The following ZFYVE9 variants were observed in gnomAD, a reference collection of about 807,000 sequenced individuals.
ZFYVE9 encodes zinc finger FYVE domain-containing protein 9.
ZFYVE9 carries 43 observed loss-of-function variants against 126.7 expected under a neutral mutation model. The ratio of observed to expected loss-of-function variants is 0.34; its 90% confidence interval spans 0.27 to 0.44. The LOEUF is 0.44. Among genes scored for constraint, ZFYVE9 ranks in the 20% least tolerant of loss-of-function variants. ZFYVE9 has a pLI of 1.00. For synonymous variants in ZFYVE9, 521 were observed against 597.4 expected (o/e 0.87, Z 1.87); for missense variants, 1,476 against 1,697.0 (o/e 0.87, Z 2.29).
chr1:52,286,853 C>T (rs1463555833), intron 10 of ZFYVE9, among the ~76,000 whole-genome samples: 1 of 152,152 alleles, frequency 6.6e-6, no homozygotes, highest in Admixed American at 6.5e-5. Flanking sequence ...CTCCATACTT[C>T]CATTGTAGCC....
At chr1:52,306,464 C>G (rs556705550) in intron 13 of ZFYVE9, among the ~76,000 whole-genome samples, 78 of 152,364 alleles carry the variant, frequency 5.1e-4, no homozygotes, top group African/African-American at 1.7e-3. Flanking sequence ...CATAAAGCTC[C>G]TCTTCACTTT....
chr1:52,224,615 G>T (rs1395562628), intron 2 of ZFYVE9, among the ~76,000 whole-genome samples: 2 of 152,164 alleles, frequency 1.3e-5, no homozygotes, highest in South Asian at 4.1e-4. Context: ...AAGACTGAAG[G>T]TCTGAGGGTG....
At chr1:52,294,751 A>G (rs1006555083) in intron 11 of ZFYVE9, among the ~76,000 whole-genome samples, 2 of 152,214 alleles carry the variant, frequency 1.3e-5, no homozygotes, top group African/African-American at 4.8e-5. Flanking sequence ...GAGGCATATG[A>G]ATCAGCTAAA....
intron 4 of ZFYVE9, among the ~76,000 whole-genome samples, chr1:52,247,644 C>A (rs1438369705): frequency 5.3e-5 from 8 of 152,022 alleles, no homozygotes. Context: ...TTACAAGCAC[C>A]CACCACCATG....
chr1:52,310,398 A>G (rs1412658887), intron 13 of ZFYVE9, among the ~76,000 whole-genome samples: 2 of 152,168 alleles, frequency 1.3e-5, no homozygotes, highest in African/African-American at 4.8e-5. Context: ...ACCTTTTTAC[A>G]GATGAGGAAA....
chr1:52,345,069 G>A (rs1646471973), intron 18 of ZFYVE9, 125 bp downstream of exon 18: 2 of 1,043,172 alleles, frequency 1.9e-6, no homozygotes, highest in Non-Finnish European at 2.8e-6. Context: ...TGGATATAGT[G>A]TTTTTGGCCC....
At chr1:52,215,254 G>A (rs1645061431) in intron 1 of ZFYVE9, among the ~76,000 whole-genome samples, 1 of 151,986 alleles carries the variant, frequency 6.6e-6, no homozygotes, top group Admixed American at 6.6e-5. Flanking sequence ...ATATGACTTA[G>A]TCCTTTATTT....
Position 52,237,697 on chromosome 1 carries a change from T to G in ZFYVE9, c.280T>G (p.Cys94Gly). ...GGATCACTGTGCTAATGGACAGGACTGTAATCTAAATCCAGAGATTGCCAC... is the reference window on the plus strand; with the variant it reads ...GGATCACTGTGCTAATGGACAGGACGGTAATCTAAATCCAGAGATTGCCAC... ...EEDHCANGQD[C>G]NLNPEIATMW... is the part of the protein sequence containing the mutation. The change falls in exon 4 of 19, where the codon TGT becomes GGT. Residue 94 changes from cysteine (C) to glycine (G), a missense_variant. Cys to Gly is a radical substitution (Grantham distance 159). This residue lies in a region of ZFYVE9 where 807 missense variants were observed against 794.6 expected (regional missense o/e 1.02). Transcript: ENST00000287727. The G allele has an allele frequency of 1.9e-6, 3 of 1,614,104 alleles. No homozygotes were observed. The highest frequency in any genetic ancestry group is 1.7e-6 in the Non-Finnish European group (2 of 1,179,972).
intron 1 of ZFYVE9, among the ~76,000 whole-genome samples, chr1:52,156,295 G>A (rs1644402689): frequency 6.6e-6 from 1 of 152,142 alleles, no homozygotes; most frequent in South Asian, 2.1e-4. Flanking sequence ...TGGCAATGTG[G>A]TCATGGCTGC....
intron 10 of ZFYVE9, among the ~76,000 whole-genome samples, chr1:52,283,571 C>T (rs545190320): frequency 9.9e-4 from 151 of 152,292 alleles, no homozygotes; most frequent in South Asian, 1.7e-3. Context: ...GCATGAATCT[C>T]ACAGACATTA....
At chr1:52,286,371 T>C (rs1191479014) in intron 10 of ZFYVE9, among the ~76,000 whole-genome samples, 1 of 152,208 alleles carries the variant, frequency 6.6e-6, no homozygotes, top group Non-Finnish European at 1.5e-5. Flanking sequence ...AAATCTAAAC[T>C]ACAGGTATTT....
chr1:52,203,566 A>T (rs12062161), intron 1 of ZFYVE9, among the ~76,000 whole-genome samples: 6,831 of 137,086 alleles, frequency 0.05, 397 homozygotes, highest in African/African-American at 0.15. Context: ...GGCATTTTTC[A>T]TGCTTGGTGT....
intron 4 of ZFYVE9, among the ~76,000 whole-genome samples, chr1:52,243,702 C>T (rs1645357172): frequency 6.6e-6 from 1 of 151,706 alleles, no homozygotes; most frequent in South Asian, 2.1e-4. Flanking sequence ...ATGTTATGAT[C>T]ATGTCTATGA....
chr1:52,325,084 C>T (rs376135656), intron 13 of ZFYVE9, among the ~76,000 whole-genome samples: 2 of 152,246 alleles, frequency 1.3e-5, no homozygotes, highest in East Asian at 1.9e-4. Context: ...TCAAGACCAT[C>T]CTGGCTAACA....
rs947845207 is a variant in ZFYVE9, at chr1:52,325,007, T to C, written c.3439-7761T>C. ...AAAAATAAAAGAATTAGGCTGGGCG[T>C]GGTGGCTCACGCCTGTAATCCCAAC... On this transcript the variant is annotated intron_variant, in intron 13 of 18. Coordinates refer to ENST00000287727, the MANE Select transcript of ZFYVE9 (RefSeq NM_004799.4). Among the ~76,000 whole-genome samples, 6 of 151,926 alleles carry C rather than the reference T, an allele frequency of 3.9e-5. No homozygotes were observed. In the East Asian group the frequency reaches 5.8e-4, roughly 15 times the overall value.
At chr1:52,175,184 T>A (rs1233998494) in intron 1 of ZFYVE9, among the ~76,000 whole-genome samples, 1 of 151,884 alleles carries the variant, frequency 6.6e-6, no homozygotes, top group Non-Finnish European at 1.5e-5. Flanking sequence ...TCAGGAGCTC[T>A]TTTAGGGCAG....
chr1:52,307,908 C>T (rs1388731354), intron 13 of ZFYVE9, among the ~76,000 whole-genome samples: 11 of 152,028 alleles, frequency 7.2e-5, no homozygotes, highest in South Asian at 2.1e-4. Context: ...TCCGCTACCA[C>T]GCCCGGCTAA....
chr1:52,303,416 T>TA lies in ZFYVE9; in HGVS notation c.3334-404dup, dbSNP rs555913012. On this transcript the variant is annotated intron_variant, in intron 12 of 18. Transcript: ENST00000287727. ...GTGTTAGTGTGTGTGTGTGTTTCCTTACAGATATTCATTGAGTGCCTAAGA... is the reference window on the plus strand; with the variant it reads ...GTGTTAGTGTGTGTGTGTGTTTCCTTAACAGATATTCATTGAGTGCCTAAGA... 3.3e-4 allele frequency among the ~76,000 whole-genome samples: 50 copies of TA among 152,264 alleles called. No individual in the cohort carries two copies. The South Asian group carries it at 9.5e-3, about 29-fold the overall frequency.
intron 13 of ZFYVE9, among the ~76,000 whole-genome samples, chr1:52,305,899 C>T (rs1646079627): frequency 6.6e-6 from 1 of 152,198 alleles, no homozygotes; most frequent in African/African-American, 2.4e-5. Context: ...TGCCCTGCCG[C>T]CTTGGCCCCC....
Sources: allele counts gnomAD v4.1 joint callset (sites outside exome capture counted in the v4.1 genomes callset), GRCh38; gene constraint gnomAD v4.1.1; regional missense constraint gnomAD v4.1.1; transcripts MANE v1.5; gene names NCBI Gene and HGNC (gene_info 2026-07-23, HGNC 2026-07-21).